The following PARD3B variants were observed in gnomAD, a reference collection of about 807,000 sequenced individuals.
PARD3B encodes par-3 family cell polarity regulator beta.
In PARD3B, 103 loss-of-function variants were observed where a neutral mutation model predicts 130.2. That is an observed-to-expected ratio of 0.79 (90% CI 0.67 to 0.93). The LOEUF is 0.93. Among genes scored for constraint, PARD3B ranks in the 40% least tolerant of loss-of-function variants. The pLI is 0.00. For missense variants in PARD3B, 1,609 were observed against 1,499.2 expected (o/e 1.07, Z -1.21); for synonymous variants, 583 against 553.2 (o/e 1.05, Z -0.76).
chr2:204,710,148 T>C (rs1203172105), intron 2 of PARD3B, among the ~76,000 whole-genome samples: 1 of 152,190 alleles, frequency 6.6e-6, no homozygotes, highest in Non-Finnish European at 1.5e-5. Context: ...TTCCTTCTTT[T>C]CTTAAATTGA....
intron 18 of PARD3B, among the ~76,000 whole-genome samples, chr2:205,368,435 C>A (rs1574826647): frequency 6.6e-6 from 1 of 152,074 alleles, no homozygotes; most frequent in East Asian, 1.9e-4. Context: ...GAGTTTAAGA[C>A]CAGCCTGGCC....
At chr2:205,099,890 TTAATAA>T (rs1402660904) in intron 4 of PARD3B, among the ~76,000 whole-genome samples, 1 of 152,172 alleles carries the variant, frequency 6.6e-6, no homozygotes, top group East Asian at 1.9e-4. Context: ...TGATATTATC[TTAATAA>T]TAATAGGAGA....
chr2:205,554,329 A>G (rs925199095), intron 22 of PARD3B, among the ~76,000 whole-genome samples: 1 of 152,120 alleles, frequency 6.6e-6, no homozygotes, highest in African/African-American at 2.4e-5. Context: ...TGTTGACTGT[A>G]CCTCTGTGTG....
intron 5 of PARD3B, among the ~76,000 whole-genome samples, chr2:205,112,833 C>T (rs1165710987): frequency 1.3e-5 from 2 of 152,092 alleles, no homozygotes; most frequent in Non-Finnish European, 2.9e-5. Context: ...TTCTATAATA[C>T]ATTTTCTTCA....
intron 3 of PARD3B, among the ~76,000 whole-genome samples, chr2:205,003,546 A>G (rs1466669063): frequency 6.6e-6 from 1 of 152,182 alleles, no homozygotes; most frequent in Non-Finnish European, 1.5e-5. Context: ...CCTTTGCTCA[A>G]AAGTCGCCTT....
intron 7 of PARD3B, among the ~76,000 whole-genome samples, chr2:205,120,441 G>C (rs562645120): frequency 6.6e-6 from 1 of 152,170 alleles, no homozygotes; most frequent in African/African-American, 2.4e-5. Flanking sequence ...TTCAGAAAGG[G>C]GGGTGCGGGG....
intron 1 of PARD3B, among the ~76,000 whole-genome samples, chr2:204,635,935 G>A (rs1055975780): frequency 6.6e-6 from 1 of 151,964 alleles, no homozygotes; most frequent in Non-Finnish European, 1.5e-5. Context: ...CTCTTGTAAG[G>A]CATATTTGTC....
intron 18 of PARD3B, among the ~76,000 whole-genome samples, chr2:205,336,474 C>T (rs2043318218): frequency 6.6e-6 from 1 of 152,184 alleles, no homozygotes; most frequent in South Asian, 2.1e-4. Context: ...TTCATTTCTT[C>T]ACTATGTCTG....
chr2:204,946,994 T>G (rs1232975747), intron 2 of PARD3B, among the ~76,000 whole-genome samples: 7 of 152,202 alleles, frequency 4.6e-5, no homozygotes, highest in African/African-American at 1.4e-4. Context: ...TAGTCAGGCC[T>G]TCAGTGGGTT....
rs114721463 is a variant in PARD3B at position 204,728,845 on chromosome 2, A to G, written c.222+42563A>G. On this transcript the variant is annotated intron_variant, in intron 2 of 22. Transcript: ENST00000406610. ...TAAGGCTATTAGATAACAAAAGCAG[A>G]AAGAAAGGAACTTCTGAAGATGCTC... Among the ~76,000 whole-genome samples, 249 of 152,316 alleles carry G rather than the reference A, an allele frequency of 1.6e-3. 1 individual carries two copies. Among genetic ancestry groups the G allele is most frequent in the African/African-American group, 5.8e-3 (242 of 41,576 alleles).
Position 204,664,563 on chromosome 2 carries a change from A to C in PARD3B, c.121-21618A>C, listed in dbSNP as rs2035945998. ...AGTGACATTGCATTGTATAAAAAGG[A>C]TATTTTTATTTACACACACTTAAAA... is the stretch of plus-strand genomic sequence containing the variant. On this transcript the variant is annotated intron_variant, in intron 1 of 22. Coordinates refer to ENST00000406610, the MANE Select transcript of PARD3B (RefSeq NM_001302769.2). This position sits in a 1 kb window ranked among gnomAD's most constrained non-coding sequence, Gnocchi z 5.2. 6.6e-6 allele frequency among the ~76,000 whole-genome samples: 1 copy of C among 152,172 alleles called. No individual in the cohort carries two copies. Among genetic ancestry groups the C allele is most frequent in the Non-Finnish European group, 1.5e-5 (1 of 68,028 alleles).
In PARD3B at chr2:205,575,966, G is replaced by T. The variant is rs1235915652; in HGVS notation, c.3260+22563G>T. Among the ~76,000 whole-genome samples the T allele has an allele frequency of 1.3e-5, 2 of 152,188 alleles. No individual in the cohort carries two copies. The highest frequency in any genetic ancestry group is 2.9e-5 in the Non-Finnish European group (2 of 68,036). ...AAGCACCAAACTATCTTCCAAAGTG[G>T]CTGTACCATTTTGAATTCCCACAAG... On this transcript the variant is annotated intron_variant, in intron 22 of 22. Transcript: ENST00000406610. This position sits in a 1 kb window ranked among gnomAD's most constrained non-coding sequence, Gnocchi z 4.6.
At chr2:205,582,670 T>G (rs1191696970) in intron 22 of PARD3B, among the ~76,000 whole-genome samples, 2 of 147,810 alleles carry the variant, frequency 1.4e-5, no homozygotes, top group African/African-American at 5.1e-5. Flanking sequence ...AGGTTATTGT[T>G]TTTTTTTTTT....
intron 21 of PARD3B, among the ~76,000 whole-genome samples, chr2:205,535,455 ACAG>A (rs1348881186): frequency 1.3e-5 from 2 of 152,210 alleles, no homozygotes; most frequent in Non-Finnish European, 2.9e-5. Flanking sequence ...GATACACAAA[ACAG>A]CAGGGCCACT....
chr2:204,741,212 A>G (rs767540810), intron 2 of PARD3B, among the ~76,000 whole-genome samples: 10 of 152,342 alleles, frequency 6.6e-5, no homozygotes, highest in Non-Finnish European at 1.3e-4. Flanking sequence ...CATTACTGAT[A>G]TAGTGATATA....
chr2:204,659,591 C>T (rs1320907031), intron 1 of PARD3B, among the ~76,000 whole-genome samples: 1 of 152,102 alleles, frequency 6.6e-6, no homozygotes, highest in Non-Finnish European at 1.5e-5. Context: ...TGAAAGATTA[C>T]ATGTTTCCCC....
At position 204,669,748 on chromosome 2, in the gene PARD3B, G is replaced by A. The variant is rs2036202748; in HGVS notation, c.121-16433G>A. Among the ~76,000 whole-genome samples, 1 of 152,090 alleles carries A rather than the reference G, an allele frequency of 6.6e-6. No individual in the cohort carries two copies. The highest frequency in any genetic ancestry group is 6.6e-5 in the Admixed American group (1 of 15,244). The stretch of plus-strand genomic sequence containing the variant: ...GCAACTTCAGTAGCATAAAAGTAAA[G>A]GTAGAGCCGACAGAAATGGGAAGGG... On this transcript the variant is annotated intron_variant, in intron 1 of 22. Transcript: ENST00000406610. The surrounding 1 kb of genome is among the most constrained non-coding windows in gnomAD (Gnocchi z 4.3).
intron 2 of PARD3B, among the ~76,000 whole-genome samples, chr2:204,734,872 G>T (rs1385448246): frequency 6.6e-6 from 1 of 151,792 alleles, no homozygotes; most frequent in Non-Finnish European, 1.5e-5. Context: ...CACTGAAATG[G>T]GTGCATTTTA....
chr2:204,917,121 A>G (rs2047475397), intron 2 of PARD3B, among the ~76,000 whole-genome samples: 1 of 152,208 alleles, frequency 6.6e-6, no homozygotes, highest in South Asian at 2.1e-4. Flanking sequence ...GAGGAGGACA[A>G]TTTAAAATAA....
Sources: gnomAD v4.1 joint callset for allele counts (sites outside exome capture counted in the v4.1 genomes callset) on GRCh38, gnomAD v4.1.1 for gene constraint, Gnocchi (gnomAD v3.1) non-coding constraint, MANE v1.5 for transcripts, NCBI Gene and HGNC (gene_info 2026-07-23, HGNC 2026-07-21) for gene names.